ABLIM3: variants seen among roughly 807,000 people sequenced by gnomAD.
The protein encoded by ABLIM3 is actin binding LIM protein family member 3, also known as actin-binding LIM protein 3.
A neutral mutation model predicts 109.5 loss-of-function variants in ABLIM3; 61 were observed. The ratio of observed to expected loss-of-function variants is 0.56; its 90% CI spans 0.45 to 0.69. The LOEUF (loss-of-function observed/expected upper bound fraction) is 0.69. Ranked by LOEUF, ABLIM3 falls within the 30% of genes least tolerant of loss-of-function variation. The pLI is 0.00. For synonymous variants in ABLIM3, 300 were observed against 324.8 expected, an observed-to-expected ratio of 0.92 and a Z score of 0.82; for missense variants, 796 against 889.5, an observed-to-expected ratio of 0.89 and a Z score of 1.34.
At chr5:149,194,195 C>T (rs1178053502) in intron 3 of ABLIM3, among the ~76,000 whole-genome samples, 1 of 151,774 alleles carries the variant, frequency 6.6e-6, no homozygotes, top group East Asian at 1.9e-4. Context: ...GATTGATTTC[C>T]AAAATATATT....
Position 149,142,034 on chromosome 5 carries a change from A to C in ABLIM3, c.-62A>C. ...GTGATGAGTGAGGTTCGAAGAACGG[A>C]AGATTTAAAAAGCAGCCGGGGCCTC... On this transcript the variant is annotated 5_prime_UTR_variant, in exon 2 of 24. Coordinates refer to ENST00000309868, the MANE Select transcript of ABLIM3 (RefSeq NM_014945.5). 1 of 1,613,998 alleles carries C rather than the reference A, an allele frequency of 6.2e-7. No homozygotes were observed. The highest frequency in any genetic ancestry group is 1.1e-5 in the South Asian group (1 of 91,078).
At chr5:149,211,466 A>G (rs1039576773) in intron 7 of ABLIM3, among the ~76,000 whole-genome samples, 1 of 152,176 alleles carries the variant, frequency 6.6e-6, no homozygotes, top group Non-Finnish European at 1.5e-5. Context: ...TGAATTAGAA[A>G]CAGGGAAGGG....
intron 2 of ABLIM3, among the ~76,000 whole-genome samples, chr5:149,149,483 T>C (rs770440710): frequency 1.3e-5 from 2 of 152,160 alleles, no homozygotes; most frequent in Admixed American, 6.5e-5. Context: ...ATTTTCTACA[T>C]AGGAAACTCA....
chr5:149,205,142 T>G (rs1449655534), intron 5 of ABLIM3, among the ~76,000 whole-genome samples: 1 of 152,142 alleles, frequency 6.6e-6, no homozygotes, highest in Non-Finnish European at 1.5e-5. Context: ...TTAAAAGAAC[T>G]GTCGTATGGG....
rs10079169 is a variant in ABLIM3, at chr5:149,239,426, C to G, written c.1074+149C>G. 3,796 of 916,262 alleles carry G rather than the reference C, an allele frequency of 4.1e-3. 100 individuals are homozygous for G. The African/African-American group carries it at 0.055, about 13-fold the overall frequency. The allele number at this position is 916,262 out of a possible 1,614,324, so 56.8% of individuals were successfully genotyped here. A position where few individuals can be genotyped will look rare whatever the true frequency, so the allele number is the denominator to read the frequency against. ...GTGCTGGAGAGACTCGGGTGCATGT[C>G]CTGGAGGAAGTGGTAGTGGCATACA... On this transcript the variant is annotated intron_variant, in intron 12 of 23. Coordinates refer to ENST00000309868, the MANE Select transcript of ABLIM3 (RefSeq NM_014945.5).
At chr5:149,211,866 C>G (rs1759590857) in intron 7 of ABLIM3, among the ~76,000 whole-genome samples, 1 of 152,074 alleles carries the variant, frequency 6.6e-6, no homozygotes, top group African/African-American at 2.4e-5. Context: ...ATTCAAAGAA[C>G]AGAGAACCCA....
chr5:149,240,822 G>A lies in ABLIM3; in HGVS notation c.1303+48G>A, dbSNP rs763994908. On this transcript the variant is annotated intron_variant, in intron 14 of 23. Transcript: ENST00000309868. ...TCCTGGGATGGATGCATGCTCCATG[G>A]GGTCACAGGTGCCTGAGTCACCCCC... 18 of 1,543,048 alleles carry A rather than the reference G, an allele frequency of 1.2e-5. No individual in the cohort carries two copies. In the South Asian group the frequency reaches 1.8e-4, roughly 15 times the overall value.
chr5:149,189,880 T>C lies in ABLIM3; in HGVS notation c.151+6291T>C, dbSNP rs76542056. 2.5e-3 allele frequency among the ~76,000 whole-genome samples: 381 copies of C among 152,230 alleles called. 2 individuals carry two copies. The highest frequency in any genetic ancestry group is 8.9e-3 in the African/African-American group (369 of 41,558). The stretch of plus-strand genomic sequence containing the variant: ...CTCCTCAGTATATACTCAAGAGAAA[T>C]AAAAATATATGTTCACACAGAAATA... On this transcript the variant is annotated intron_variant, in intron 3 of 23. Transcript: ENST00000309868.
chr5:149,227,324 C>T (rs1161251068), intron 8 of ABLIM3, among the ~76,000 whole-genome samples: 1 of 152,180 alleles, frequency 6.6e-6, no homozygotes, highest in Non-Finnish European at 1.5e-5. Flanking sequence ...TAATCCTTCA[C>T]TTCCATAACC....
intron 16 of ABLIM3, among the ~76,000 whole-genome samples, chr5:149,245,267 G>A (rs536161847): frequency 7.2e-5 from 11 of 152,362 alleles, no homozygotes; most frequent in Middle Eastern, 3.4e-3. Flanking sequence ...GCCATGAGAG[G>A]GAGGTGATGC....
intron 2 of ABLIM3, among the ~76,000 whole-genome samples, chr5:149,176,620 C>A (rs1383160466): frequency 6.6e-6 from 1 of 152,166 alleles, no homozygotes; most frequent in Non-Finnish European, 1.5e-5. Flanking sequence ...AGTATCCCCT[C>A]TTGAGTTACG....
At chr5:149,154,225 G>T (rs1753684102) in intron 2 of ABLIM3, among the ~76,000 whole-genome samples, 1 of 152,216 alleles carries the variant, frequency 6.6e-6, no homozygotes, top group African/African-American at 2.4e-5. Context: ...TGGGGAAACA[G>T]CCCAGGGATC....
intron 5 of ABLIM3, among the ~76,000 whole-genome samples, chr5:149,205,623 G>A (rs947161982): frequency 1.3e-5 from 2 of 152,142 alleles, no homozygotes; most frequent in South Asian, 4.1e-4. Flanking sequence ...TATTGGGCAG[G>A]GGGTGCAAGT....
intron 8 of ABLIM3, chr5:149,218,294 G>A (rs1056612369): frequency 3.3e-5 from 5 of 152,274 alleles, no homozygotes; most frequent in East Asian, 1.9e-4. Context: ...TCTCCACATG[G>A]TGGAAGGGGC....
In ABLIM3 at chr5:149,259,532, G is replaced by T; in HGVS notation, c.*1128G>T. 2 of 1,536,252 alleles carry T rather than the reference G, an allele frequency of 1.3e-6. No homozygotes were observed. Among genetic ancestry groups the T allele is most frequent in the South Asian group, 2.4e-5 (2 of 84,056 alleles). ...GTCCTCGGCTCCTGCTGCAAAGTTGGCCATGTTTCACAGGGAAACTTTTGG... is the reference window on the plus strand; with the variant it reads ...GTCCTCGGCTCCTGCTGCAAAGTTGTCCATGTTTCACAGGGAAACTTTTGG... On this transcript the variant is annotated 3_prime_UTR_variant, in exon 24 of 24. Coordinates refer to ENST00000309868, the MANE Select transcript of ABLIM3 (RefSeq NM_014945.5).
At chr5:149,204,518 A>G (rs187227927) in intron 5 of ABLIM3, among the ~76,000 whole-genome samples, 1 of 152,378 alleles carries the variant, frequency 6.6e-6, no homozygotes, top group Non-Finnish European at 1.5e-5. Flanking sequence ...AAGATGTCCC[A>G]GAATTCTCAC....
chr5:149,164,561 C>G (rs1372286760), intron 2 of ABLIM3, among the ~76,000 whole-genome samples: 1 of 152,136 alleles, frequency 6.6e-6, no homozygotes, highest in Non-Finnish European at 1.5e-5. Flanking sequence ...ACCCTGGACC[C>G]CCTGAGTCAA....
At chr5:149,157,209 T>C (rs1387000993) in intron 2 of ABLIM3, among the ~76,000 whole-genome samples, 1 of 152,216 alleles carries the variant, frequency 6.6e-6, no homozygotes, top group African/African-American at 2.4e-5. Context: ...CTGCACAGGC[T>C]GCCCTGGGAT....
At chr5:149,250,318 G>T in intron 19 of ABLIM3, 129 bp from the exon 20 acceptor site, 1 of 821,060 alleles carries the variant, frequency 1.2e-6, no homozygotes, top group Admixed American at 2.1e-5. Context: ...AGGAAGAGTT[G>T]GTGGCCTCTG....
Sources: gnomAD v4.1 joint callset for allele counts (sites outside exome capture counted in the v4.1 genomes callset) on GRCh38, gnomAD v4.1.1 for gene constraint, MANE v1.5 for transcripts, NCBI Gene and HGNC (gene_info 2026-07-23, HGNC 2026-07-21) for gene names.